The following HHIPL2 variants were observed in gnomAD, a reference collection of about 807,000 sequenced individuals.
The protein encoded by HHIPL2 is HHIP-like protein 2.
In HHIPL2, 61 loss-of-function variants were observed where a neutral mutation model predicts 61.0. That is an observed-to-expected ratio of 1.00 (90% CI 0.81 to 1.24). The LOEUF (loss-of-function observed/expected upper bound fraction) is 1.24. Among genes scored for constraint, HHIPL2 ranks in the 50% most tolerant of loss-of-function variants. The probability of loss-of-function intolerance (pLI) is 0.00; values close to 1 mark genes in which losing one functional copy is unlikely to be tolerated. For synonymous variants in HHIPL2, 343 were observed against 357.4 expected (o/e 0.96, Z 0.45); for missense variants, 885 against 910.2 (o/e 0.97, Z 0.36).
Position 222,534,766 on chromosome 1 carries a change from T to C in HHIPL2, c.1578-2655A>G, listed in dbSNP as rs1659266968. 1.3e-5 allele frequency among the ~76,000 whole-genome samples: 2 copies of C among 151,426 alleles called. 1 individual carries two copies. Among genetic ancestry groups the C allele is most frequent in the South Asian group, 4.2e-4 (2 of 4,794 alleles). ...GAACTAAAGACATAGCAATGGAAAC[T>C]ACCCAAAATAAAACACAGAGAAAAT... On this transcript the variant is annotated intron_variant, in intron 5 of 8. Transcript: ENST00000343410.
At position 222,522,365 on chromosome 1, in the gene HHIPL2, C is replaced by G; in HGVS notation, c.*236G>C. 1.8e-6 allele frequency: 1 copy of G among 567,350 alleles called. No homozygotes were observed. The highest frequency in any genetic ancestry group is 2.3e-5 in the South Asian group (1 of 42,684). 35.1% of individuals were successfully genotyped at this position (567,350 alleles called of 1,614,324 possible). On this transcript the variant is annotated 3_prime_UTR_variant, in exon 9 of 9. Transcript: ENST00000343410. The stretch of plus-strand genomic sequence containing the variant: ...AGCAGGCTCATGGACTAGTGCTTAC[C>G]ATAACCCAGGTGCACCAGCAATCTG...
intron 5 of HHIPL2, among the ~76,000 whole-genome samples, chr1:222,538,423 CAG>C (rs369750527): frequency 0.031 from 4,532 of 146,694 alleles, 228 homozygotes; most frequent in African/African-American, 0.1. Flanking sequence ...GAGAGAGAGA[CAG>C]AGAGAGAGAG....
chr1:222,534,987 T>G (rs2102615743), intron 5 of HHIPL2, among the ~76,000 whole-genome samples: 1 of 152,244 alleles, frequency 6.6e-6, no homozygotes. Flanking sequence ...CAAAAAACTC[T>G]AAGCACAGAA....
At position 222,540,088 on chromosome 1, in the gene HHIPL2, T is replaced by G; in HGVS notation, c.1372A>C (p.Lys458Gln). The change falls in exon 4 of 9, where the codon AAA becomes CAA. Residue 458 changes from lysine (K) to glutamine (Q), a missense_variant. Physicochemically the swap from Lys to Gln is moderately conservative, Grantham distance 53. Coordinates refer to ENST00000343410, the MANE Select transcript of HHIPL2 (RefSeq NM_024746.4). ...NRFEEVDLIL[K>Q]GGNYGWRAKE... ...GCTCTCCAGCCATAGTTTCCACCTT[T>G]CAAAATGAGGTCAACCTCTTCAAAC... 6.2e-7 allele frequency: 1 copy of G among 1,614,256 alleles called. No homozygotes were observed. Among genetic ancestry groups the G allele is most frequent in the African/African-American group, 1.3e-5 (1 of 75,062 alleles).
intron 6 of HHIPL2, 111 bp downstream of exon 6, chr1:222,531,855 T>G (rs1659198740): frequency 1.0e-6 from 1 of 953,260 alleles, no homozygotes; most frequent in Non-Finnish European, 1.5e-6. Flanking sequence ...GACTAAACGA[T>G]AGTGATCATA....
chr1:222,524,857 G>C (rs1353873829), intron 7 of HHIPL2: 3 of 152,146 alleles, frequency 2.0e-5, no homozygotes, highest in Non-Finnish European at 4.4e-5. Flanking sequence ...TGAATGGAGG[G>C]AGTAGTCCTA....
chr1:222,534,692 A>ACACACACACACT (rs1328347469), intron 5 of HHIPL2, among the ~76,000 whole-genome samples: 1 of 149,440 alleles, frequency 6.7e-6, no homozygotes, highest in African/African-American at 2.5e-5. Context: ...ACACACACAC[A>ACACACACACACT]CTCAATGGAA....
intron 2 of HHIPL2, among the ~76,000 whole-genome samples, chr1:222,542,947 T>G (rs1659464354): frequency 6.6e-6 from 1 of 152,190 alleles, no homozygotes; most frequent in Admixed American, 6.5e-5. Context: ...TTTGAGTAAC[T>G]TAAGAGGGGT....
rs554922708 is a variant in HHIPL2, at chr1:222,539,901, G to A, written c.1450+109C>T. On this transcript the variant is annotated intron_variant, in intron 4 of 8. Transcript: ENST00000343410. ...GCACTACACCACAGGACACAAACAA[G>A]GCGTGATTTAAATGACCTGCAGGGC... 49 of 887,524 alleles carry A rather than the reference G, an allele frequency of 5.5e-5. No individual in the cohort carries two copies. The African/African-American group carries it at 6.5e-4, about 12-fold the overall frequency. The allele number at this position is 887,524 out of a possible 1,614,324, so 55.0% of individuals were successfully genotyped here.
At chr1:222,542,528 C>CTGTTTTT (rs1659454665) in intron 2 of HHIPL2, among the ~76,000 whole-genome samples, 1 of 97,174 alleles carries the variant, frequency 1.0e-5, no homozygotes, top group African/African-American at 4.2e-5. Flanking sequence ...CCACATCTGG[C>CTGTTTTT]TTTTTTTTTT....
At position 222,529,665 on chromosome 1, in the gene HHIPL2, A is replaced by C. The variant is rs552725324; in HGVS notation, c.1723+2301T>G. ...GCCATTTAAAACAAAAATGCATGCT[A>C]TACAAATTTACTGCAAACAGAATTC... is the stretch of plus-strand genomic sequence containing the variant. On this transcript the variant is annotated intron_variant, in intron 6 of 8. Transcript: ENST00000343410. Among the ~76,000 whole-genome samples, 6 of 152,362 alleles carry C rather than the reference A, an allele frequency of 3.9e-5. No homozygotes were observed. In the East Asian group the frequency reaches 1.2e-3, roughly 29 times the overall value.
chr1:222,529,678 G>A (rs1571766265), intron 6 of HHIPL2, among the ~76,000 whole-genome samples: 2 of 152,276 alleles, frequency 1.3e-5, no homozygotes, highest in Admixed American at 6.5e-5. Flanking sequence ...CAAATTTACT[G>A]CAAACAGAAT....
intron 1 of HHIPL2, 118 bp downstream of exon 1, chr1:222,547,606 T>C (rs1035477636): frequency 3.5e-6 from 3 of 857,988 alleles, no homozygotes; most frequent in Non-Finnish European, 3.7e-6. Flanking sequence ...AGCTCCAAGA[T>C]GAGGCACCCG....
intron 5 of HHIPL2, among the ~76,000 whole-genome samples, chr1:222,538,195 GGTGTGTGTGTGTGTGTGTGTGT>G (rs373452655): frequency 1.4e-3 from 195 of 136,360 alleles, no homozygotes; most frequent in South Asian, 2.6e-3. Context: ...CTCTGGCTGG[GGTGTGTGTGTGTGTGTGTGTGT>G]GTGTGTGTGT....
At chr1:222,535,380 T>C (rs1204238377) in intron 5 of HHIPL2, among the ~76,000 whole-genome samples, 2 of 152,196 alleles carry the variant, frequency 1.3e-5, no homozygotes, top group Non-Finnish European at 2.9e-5. Context: ...CCCAAAGGAA[T>C]TGAGAGCATT....
intron 4 of HHIPL2, among the ~76,000 whole-genome samples, chr1:222,539,393 G>C (rs1659376272): frequency 6.6e-6 from 1 of 151,766 alleles, no homozygotes; most frequent in Admixed American, 6.6e-5. Context: ...AGGTAGGAGT[G>C]GTGGTGCATG....
chr1:222,545,769 G>A (rs1481107687), intron 1 of HHIPL2, among the ~76,000 whole-genome samples: 2 of 152,138 alleles, frequency 1.3e-5, no homozygotes, highest in East Asian at 1.9e-4. Flanking sequence ...AGTAGCTCAC[G>A]CCTGTAATCC....
intron 1 of HHIPL2, 83 bp downstream of exon 1, chr1:222,547,641 G>T: frequency 1.6e-6 from 2 of 1,212,536 alleles, no homozygotes; most frequent in Non-Finnish European, 2.4e-6. Flanking sequence ...AAAGGGCTGG[G>T]CTCCCAAAGC....
chr1:222,543,442 TA>T (rs1166117365), intron 2 of HHIPL2, 94 bp downstream of exon 2: 2 of 1,254,242 alleles, frequency 1.6e-6, no homozygotes, highest in Non-Finnish European at 2.2e-6. Flanking sequence ...AGTAGTGCTC[TA>T]AAACCAGTGA....
Sources: gnomAD v4.1 joint callset for allele counts (sites outside exome capture counted in the v4.1 genomes callset) on GRCh38, gnomAD v4.1.1 for gene constraint, MANE v1.5 for transcripts, NCBI Gene and HGNC (gene_info 2026-07-23, HGNC 2026-07-21) for gene names.